Variants in DACH2 observed in about 807,000 individuals in gnomAD.
DACH2 encodes dachshund family transcription factor 2.
In DACH2, 17 loss-of-function variants were observed where a neutral mutation model predicts 35.8. The ratio of observed to expected loss-of-function variants is 0.48; its 90% CI spans 0.33 to 0.71. The LOEUF (loss-of-function observed/expected upper bound fraction) is 0.71. Among genes scored for constraint, DACH2 ranks in the 30% least tolerant of loss-of-function variants. The pLI is 0.02. For synonymous variants in DACH2, 195 were observed against 177.3 expected (o/e 1.10, Z -0.79); for missense variants, 469 against 472.7 (o/e 0.99, Z 0.07).
At chrX:86,609,882 A>G (rs7887021) in intron 3 of DACH2, among the ~76,000 whole-genome samples, 1 of 110,555 alleles carries the variant, frequency 9.0e-6, no homozygotes, top group African/African-American at 3.3e-5. Context: ...CCTATGGCCA[A>G]CCCCTTAAGA....
chrX:86,335,442 T>C (rs1242340552), intron 1 of DACH2, among the ~76,000 whole-genome samples: 1 of 111,617 alleles, frequency 9.0e-6, no homozygotes, highest in Non-Finnish European at 1.9e-5. Context: ...CAGTGGTTTG[T>C]AGTTCTCCTT....
intron 2 of DACH2, among the ~76,000 whole-genome samples, chrX:86,510,938 A>G (rs1394797843): frequency 1.8e-5 from 2 of 112,042 alleles, no homozygotes; most frequent in Non-Finnish European, 3.8e-5. Context: ...CGTGCCCTGT[A>G]AAATAAAGCA....
At chrX:86,309,938 G>A (rs1158430510) in intron 1 of DACH2, among the ~76,000 whole-genome samples, 1 of 112,308 alleles carries the variant, frequency 8.9e-6, no homozygotes, top group Admixed American at 9.4e-5. Context: ...CTGCCACTTG[G>A]CACATATGAC....
intron 1 of DACH2, among the ~76,000 whole-genome samples, chrX:86,284,181 C>G (rs980856693): frequency 9.0e-6 from 1 of 111,566 alleles, no homozygotes; most frequent in African/African-American, 3.3e-5. Flanking sequence ...TGTTCCAGAT[C>G]TTAAAGGAAA....
At chrX:86,308,638 G>A (rs1238198820) in intron 1 of DACH2, among the ~76,000 whole-genome samples, 1 of 111,647 alleles carries the variant, frequency 9.0e-6, no homozygotes, top group Non-Finnish European at 1.9e-5. Context: ...GTCCCCTTGA[G>A]GAAGGACCAC....
At chrX:86,423,356 C>T (rs1364542959) in intron 2 of DACH2, among the ~76,000 whole-genome samples, 1 of 110,734 alleles carries the variant, frequency 9.0e-6, no homozygotes, top group East Asian at 2.8e-4. Flanking sequence ...TGGATATAAG[C>T]CATTTTAACT....
intron 1 of DACH2, among the ~76,000 whole-genome samples, chrX:86,200,081 T>C (rs1433905557): frequency 9.0e-6 from 1 of 111,479 alleles, no homozygotes; most frequent in African/African-American, 3.3e-5. Context: ...AGCATGGTAC[T>C]GGTATAAGAA....
intron 1 of DACH2, among the ~76,000 whole-genome samples, chrX:86,336,369 G>A (rs762944145): frequency 8.9e-6 from 1 of 112,081 alleles, no homozygotes; most frequent in South Asian, 3.7e-4. Context: ...CTGTGAGTCT[G>A]TCTGGTCCTG....
At chrX:86,703,167 A>C (rs775412549) in intron 5 of DACH2, among the ~76,000 whole-genome samples, 1 of 99,801 alleles carries the variant, frequency 1.0e-5, no homozygotes, top group African/African-American at 3.7e-5. Context: ...TAAAACCTAA[A>C]GCATATGATC....
chrX:86,427,628 C>A (rs1174563869), intron 2 of DACH2, among the ~76,000 whole-genome samples: 1 of 111,071 alleles, frequency 9.0e-6, no homozygotes, highest in African/African-American at 3.3e-5. Context: ...GATTCTACAT[C>A]CCTAAGAACA....
chrX:86,378,296 G>A (rs187224740), intron 2 of DACH2, among the ~76,000 whole-genome samples: 35 of 109,919 alleles, frequency 3.2e-4, no homozygotes, highest in African/African-American at 1.1e-3. Context: ...AAACCATGAA[G>A]TGTTTTTGAA....
chrX:86,282,097 T>A (rs1461561809), intron 1 of DACH2, among the ~76,000 whole-genome samples: 1 of 112,147 alleles, frequency 8.9e-6, no homozygotes, highest in Non-Finnish European at 1.9e-5. Flanking sequence ...ATAGATTCAA[T>A]GCTATCCCCA....
chrX:86,305,166 C>G (rs2034658843), intron 1 of DACH2: 1 of 129,145 alleles, frequency 7.7e-6, no homozygotes, highest in Non-Finnish European at 1.7e-5. Context: ...GGTACACGCT[C>G]TATATCTCTC....
chrX:86,483,831 C>CG (rs777630720), intron 2 of DACH2, among the ~76,000 whole-genome samples: 1 of 105,149 alleles, frequency 9.5e-6, no homozygotes, highest in Non-Finnish European at 1.9e-5. Flanking sequence ...GACCTAGTCT[C>CG]AAAAAAAAAT....
At chrX:86,360,573 C>G in intron 1 of DACH2, among the ~76,000 whole-genome samples, 1 of 111,400 alleles carries the variant, frequency 9.0e-6, no homozygotes, top group Non-Finnish European at 1.9e-5. Context: ...CCAATACATG[C>G]TTTCACCCTA....
chrX:86,210,595 G>A (rs2032422549), intron 1 of DACH2, among the ~76,000 whole-genome samples: 1 of 111,824 alleles, frequency 8.9e-6, no homozygotes, highest in African/African-American at 3.2e-5. Context: ...AAGAAACACT[G>A]ACATCAGCTC....
Position 86,388,957 on chromosome X carries a change from C to T in DACH2, c.527+12095C>T, listed in dbSNP as rs147830858. On this transcript the variant is annotated intron_variant, in intron 2 of 11. Transcript: ENST00000373125. ...CTGTATCTCTCTTGCTCAAAAAATA[C>T]AGACTTTAAGGCTTATATAAAATAT... Among the ~76,000 whole-genome samples, 145 of 111,275 alleles carry T rather than the reference C, an allele frequency of 1.3e-3. 1 individual carries two copies. Among genetic ancestry groups the T allele is most frequent in the African/African-American group, 4.6e-3 (141 of 30,712 alleles).
intron 1 of DACH2, among the ~76,000 whole-genome samples, chrX:86,273,203 T>C (rs1375423778): frequency 8.9e-6 from 1 of 112,206 alleles, no homozygotes; most frequent in Non-Finnish European, 1.9e-5. Context: ...AATAAAACAT[T>C]ATGTATTTTT....
intron 1 of DACH2, among the ~76,000 whole-genome samples, chrX:86,267,416 T>C (rs1339089978): frequency 8.9e-6 from 1 of 112,355 alleles, no homozygotes; most frequent in Non-Finnish European, 1.9e-5. Flanking sequence ...ACACAAAATC[T>C]GAAAATTCAA....
Sources: gnomAD v4.1 joint callset for allele counts (sites outside exome capture counted in the v4.1 genomes callset) on GRCh38, gnomAD v4.1.1 for gene constraint, MANE v1.5 for transcripts, NCBI Gene and HGNC (gene_info 2026-07-23, HGNC 2026-07-21) for gene names.